Variants in FHIT observed in about 807,000 individuals in gnomAD.
FHIT encodes fragile histidine triad diadenosine triphosphatase.
FHIT carries 19 observed loss-of-function variants against 17.9 expected under a neutral mutation model. The observed-to-expected ratio is 1.06, with a 90% CI of 0.74 to 1.56. The LOEUF is 1.56. Ranked by LOEUF, FHIT falls within the 40% of genes most tolerant of loss-of-function variation. FHIT has a pLI of 0.00. For missense variants in FHIT, 248 were observed against 189.2 expected, an observed-to-expected ratio of 1.31 and a Z score of -1.82; for synonymous variants, 81 against 69.7, an observed-to-expected ratio of 1.16 and a Z score of -0.81.
At chr3:59,921,660 C>CTTATACT (rs10662742) in intron 8 of FHIT, among the ~76,000 whole-genome samples, 1 of 151,466 alleles carries the variant, frequency 6.6e-6, no homozygotes, top group Non-Finnish European at 1.5e-5. Flanking sequence ...TTGAAATCAC[C>CTTATACT]TTATAACAGC....
intron 3 of FHIT, among the ~76,000 whole-genome samples, chr3:61,014,810 A>AAAAT (rs1559910694): frequency 7.7e-6 from 1 of 129,878 alleles, no homozygotes; most frequent in East Asian, 2.1e-4. Flanking sequence ...AAAAAAAAAT[A>AAAAT]TATATATATA....
At chr3:60,846,862 C>T (rs1311195182) in intron 3 of FHIT, among the ~76,000 whole-genome samples, 3 of 151,608 alleles carry the variant, frequency 2.0e-5, no homozygotes, top group Middle Eastern at 3.2e-3. Context: ...CTTGCTCTGT[C>T]GCCCAGCCTG....
chr3:61,205,531 G>C (rs1036626246), intron 1 of FHIT, among the ~76,000 whole-genome samples: 1 of 152,148 alleles, frequency 6.6e-6, no homozygotes. Context: ...GTGTGAGATG[G>C]TATCTCATTG....
chr3:60,596,571 T>C (rs2038277263), intron 4 of FHIT, among the ~76,000 whole-genome samples: 1 of 152,148 alleles, frequency 6.6e-6, no homozygotes, highest in African/African-American at 2.4e-5. Flanking sequence ...GTTCTTGGTG[T>C]TTGAATCACT....
intron 4 of FHIT, among the ~76,000 whole-genome samples, chr3:60,810,174 C>A (rs1701530966): frequency 6.6e-6 from 1 of 152,160 alleles, no homozygotes; most frequent in Non-Finnish European, 1.5e-5. Context: ...AGAAAATGAG[C>A]CCTTCCCTTT....
At chr3:59,906,646 G>C (rs764838639) in intron 8 of FHIT, among the ~76,000 whole-genome samples, 1 of 152,084 alleles carries the variant, frequency 6.6e-6, no homozygotes, top group East Asian at 1.9e-4. Context: ...TATTGTTTTC[G>C]TATCTGATTA....
At chr3:60,868,796 G>A (rs1261383817) in intron 3 of FHIT, among the ~76,000 whole-genome samples, 2 of 152,068 alleles carry the variant, frequency 1.3e-5, no homozygotes, top group African/African-American at 2.4e-5. Context: ...CGAAGCTCCA[G>A]GCCGTAATCT....
chr3:59,840,085 T>C (rs1575574230), intron 8 of FHIT, among the ~76,000 whole-genome samples: 1 of 152,118 alleles, frequency 6.6e-6, no homozygotes, highest in Admixed American at 6.5e-5. Context: ...CAGAAGAGGG[T>C]AGAGCTGTCA....
At chr3:59,777,664 A>G (rs1252504140) in intron 8 of FHIT, among the ~76,000 whole-genome samples, 2 of 152,164 alleles carry the variant, frequency 1.3e-5, no homozygotes, top group Non-Finnish European at 2.9e-5. Context: ...TTAAAAGTTA[A>G]ATCAGATCAT....
At chr3:59,942,117 CAA>C (rs1046217922) in intron 7 of FHIT, among the ~76,000 whole-genome samples, 1 of 152,144 alleles carries the variant, frequency 6.6e-6, no homozygotes, top group East Asian at 1.9e-4. Flanking sequence ...GCCACCCTGA[CAA>C]AAGTCTTCCT....
chr3:59,793,916 G>A (rs1021945177), intron 8 of FHIT, among the ~76,000 whole-genome samples: 27 of 152,068 alleles, frequency 1.8e-4, no homozygotes, highest in African/African-American at 4.6e-4. Context: ...GCTAAGGCCC[G>A]GCCCATGTAT....
At chr3:61,072,235 G>A (rs993000699) in intron 2 of FHIT, among the ~76,000 whole-genome samples, 1 of 152,144 alleles carries the variant, frequency 6.6e-6, no homozygotes, top group African/African-American at 2.4e-5. Flanking sequence ...AATAGGATCT[G>A]ACTTTGTGAT....
At chr3:60,895,001 G>A (rs752470888) in intron 3 of FHIT, among the ~76,000 whole-genome samples, 24 of 152,158 alleles carry the variant, frequency 1.6e-4, no homozygotes, top group Non-Finnish European at 2.5e-4. Flanking sequence ...TATCTTACAC[G>A]TAGTCCATAT....
chr3:60,388,008 T>C (rs757469244), intron 5 of FHIT, among the ~76,000 whole-genome samples: 12 of 152,100 alleles, frequency 7.9e-5, no homozygotes, highest in Non-Finnish European at 1.2e-4. Flanking sequence ...GATCTGCACA[T>C]ACCAGTTCTC....
At chr3:60,361,031 C>T (rs755575008) in intron 5 of FHIT, among the ~76,000 whole-genome samples, 7 of 152,156 alleles carry the variant, frequency 4.6e-5, no homozygotes, top group Non-Finnish European at 7.3e-5. Context: ...TTATCTATTT[C>T]GAATACTGGT....
At chr3:60,279,222 C>A (rs1390763) in intron 5 of FHIT, among the ~76,000 whole-genome samples, 3 of 151,692 alleles carry the variant, frequency 2.0e-5, no homozygotes, top group Non-Finnish European at 2.9e-5. Flanking sequence ...ACTGATCTCA[C>A]GGATATTAAA....
At chr3:60,020,042 G>C (rs1191032245) in intron 5 of FHIT, among the ~76,000 whole-genome samples, 1 of 152,172 alleles carries the variant, frequency 6.6e-6, no homozygotes, top group African/African-American at 2.4e-5. Flanking sequence ...CGCGACATGA[G>C]ATGCATGTGC....
chr3:59,802,239 T>G (rs1048196434), intron 8 of FHIT, among the ~76,000 whole-genome samples: 3 of 152,218 alleles, frequency 2.0e-5, no homozygotes, highest in African/African-American at 7.2e-5. Context: ...TAATTAACTG[T>G]AGCCAAAGCG....
chr3:60,204,462 TG>T (rs201241589), intron 5 of FHIT, among the ~76,000 whole-genome samples: 1 of 147,628 alleles, frequency 6.8e-6, no homozygotes, highest in Non-Finnish European at 1.5e-5. Context: ...TTTTTTGTTT[TG>T]TTTTTTTAGT....
Sources: gnomAD v4.1 joint callset for allele counts (sites outside exome capture counted in the v4.1 genomes callset) on GRCh38, gnomAD v4.1.1 for gene constraint, MANE v1.5 for transcripts, NCBI Gene and HGNC (gene_info 2026-07-23, HGNC 2026-07-21) for gene names.